The following ABCB1 variants were observed in gnomAD, a reference collection of about 807,000 sequenced individuals.
ABCB1 encodes ATP-dependent translocase ABCB1.
A neutral mutation model predicts 142.0 loss-of-function variants in ABCB1; 69 were observed. That is an observed-to-expected ratio of 0.49 (90% CI 0.40 to 0.59). The LOEUF (loss-of-function observed/expected upper bound fraction) is 0.59. ABCB1 is among the 20% of genes least tolerant of loss of function. ABCB1 has a pLI of 0.00. For synonymous variants in ABCB1, 532 were observed against 539.2 expected, an observed-to-expected ratio of 0.99 and a Z score of 0.18; for missense variants, 1,326 against 1,554.7, an observed-to-expected ratio of 0.85 and a Z score of 2.47.
chr7:87,574,123 A>G (rs1818178695), intron 4 of ABCB1, among the ~76,000 whole-genome samples: 1 of 152,196 alleles, frequency 6.6e-6, no homozygotes, highest in Non-Finnish European at 1.5e-5. Flanking sequence ...CAGACCCTAG[A>G]GCAAGACCTC....
At chr7:87,683,242 C>T (rs931058222) in intron 1 of ABCB1, among the ~76,000 whole-genome samples, 2 of 152,152 alleles carry the variant, frequency 1.3e-5, no homozygotes, top group Non-Finnish European at 2.9e-5. Flanking sequence ...GTCTTCTATT[C>T]AGACCACTCA....
At chr7:87,644,485 TACGTTCTATTAAAAACATC>T (rs1822783475) in intron 1 of ABCB1, among the ~76,000 whole-genome samples, 1 of 152,218 alleles carries the variant, frequency 6.6e-6, no homozygotes, top group South Asian at 2.1e-4. Flanking sequence ...TTTGGATACT[TACGTTCTATTAAAAACATC>T]ACTCTTATTA....
At position 87,607,949 on chromosome 7, in the gene ABCB1, T is replaced by C. The variant is rs572024950; in HGVS notation, c.-330-6871A>G. On this transcript the variant is annotated intron_variant, in intron 1 of 28. Transcript: ENST00000265724. ...TGTTTTTACAAACAGACTGAACTTA[T>C]ATATCTAAAGTGACCAACTTCCTTT... Among the ~76,000 whole-genome samples, 17 of 152,348 alleles carry C rather than the reference T, an allele frequency of 1.1e-4. 1 individual carries two copies. Among genetic ancestry groups the C allele is most frequent in the Non-Finnish European group, 1.8e-4 (12 of 68,040 alleles).
At chr7:87,575,661 A>G (rs1226411833) in intron 4 of ABCB1, among the ~76,000 whole-genome samples, 3 of 152,186 alleles carry the variant, frequency 2.0e-5, no homozygotes, top group Non-Finnish European at 4.4e-5. Flanking sequence ...ATAAATCCCT[A>G]TGGCATTGGC....
intron 1 of ABCB1, among the ~76,000 whole-genome samples, chr7:87,707,784 A>G (rs1829740340): frequency 6.6e-6 from 1 of 152,174 alleles, no homozygotes. Context: ...TCTGAGCCAT[A>G]GTTTATCTCA....
chr7:87,626,755 ATATAT>A (rs1820671195), intron 1 of ABCB1, among the ~76,000 whole-genome samples: 1 of 48,900 alleles, frequency 2.0e-5, no homozygotes, highest in African/African-American at 4.5e-5. Flanking sequence ...TATATGTCAT[ATATAT>A]GTCATATATA....
chr7:87,667,781 T>A (rs78915228), intron 1 of ABCB1, among the ~76,000 whole-genome samples: 1 of 152,150 alleles, frequency 6.6e-6, no homozygotes, highest in African/African-American at 2.4e-5. Context: ...ATGTGATGAA[T>A]CATGTTTATT....
chr7:87,553,938 A>C lies in ABCB1; in HGVS notation c.828-6T>G. 3 of 1,604,538 alleles carry C rather than the reference A, an allele frequency of 1.9e-6. No individual in the cohort carries two copies. Among genetic ancestry groups the C allele is most frequent in the Non-Finnish European group, 2.6e-6 (3 of 1,171,374 alleles). On this transcript the variant is annotated splice_polypyrimidine_tract_variant and splice_region_variant and intron_variant, in intron 8 of 27. Transcript: ENST00000622132. ...CTTCTAAATTTTTGTTGTACCTGAG[A>C]AAAAGAACAAAAATGATCACATATA...
At chr7:87,627,806 C>T (rs1337251133) in intron 1 of ABCB1, 2 of 152,358 alleles carry the variant, frequency 1.3e-5, no homozygotes, top group Non-Finnish European at 2.9e-5. Flanking sequence ...GCACCACGCT[C>T]CTCCTTAGGC....
chr7:87,684,063 T>C (rs1253213047), intron 1 of ABCB1, among the ~76,000 whole-genome samples: 1 of 152,190 alleles, frequency 6.6e-6, no homozygotes, highest in Non-Finnish European at 1.5e-5. Flanking sequence ...AATAGGTGCA[T>C]AGAAAAGCAT....
chr7:87,539,213 G>C lies in ABCB1; in HGVS notation c.2397+55C>G, dbSNP rs771700682. The C allele has an allele frequency of 6.7e-4, 1,049 of 1,555,974 alleles. 2 individuals carry two copies. The highest frequency in any genetic ancestry group is 8.9e-4 in the Non-Finnish European group (1,007 of 1,129,960). ...CAGAGCTCCCACTGTCTGAGTCCAA[G>C]GGGCACACATGGGGAGTTCTACACA... On this transcript the variant is annotated intron_variant, in intron 19 of 27. Transcript: ENST00000622132.
At chr7:87,662,029 C>T (rs1824761780) in intron 1 of ABCB1, among the ~76,000 whole-genome samples, 1 of 151,998 alleles carries the variant, frequency 6.6e-6, no homozygotes, top group African/African-American at 2.4e-5. Context: ...TTTCATATAC[C>T]TGTTTGCCAT....
intron 3 of ABCB1, among the ~76,000 whole-genome samples, chr7:87,586,854 C>T (rs1354847473): frequency 6.6e-6 from 1 of 151,488 alleles, no homozygotes; most frequent in East Asian, 1.9e-4. Flanking sequence ...AAAAGTAAAG[C>T]CAAATTATGA....
chr7:87,570,331 T>C, intron 4 of ABCB1, 108 bp from the exon 5 acceptor site: 1 of 1,091,902 alleles, frequency 9.2e-7, no homozygotes, highest in African/African-American at 1.6e-5. Context: ...TACATAAAAA[T>C]AGGTCGAACT....
upstream of ABCB1, among the ~76,000 whole-genome samples, chr7:87,602,143 G>A (rs1407098955): frequency 1.3e-5 from 2 of 151,910 alleles, no homozygotes; most frequent in African/African-American, 2.4e-5. Context: ...ACAGGCTCCC[G>A]CCACCACGCC....
rs2235074 is a variant in ABCB1 at position 87,595,730 on chromosome 7, G to A, written c.117+36C>T. 0.045 allele frequency: 67,538 copies of A among 1,516,832 alleles called. 1,890 individuals carry two copies. The highest frequency in any genetic ancestry group is 0.13 in the African/African-American group (9,243 of 72,988). The allele number at this position is 1,516,832 out of a possible 1,614,324, so 94.0% of individuals were successfully genotyped here. A position where few individuals can be genotyped will look rare whatever the true frequency, so the allele number is the denominator to read the frequency against. On this transcript the variant is annotated intron_variant, in intron 3 of 27. Coordinates refer to ENST00000622132, the MANE Select transcript of ABCB1 (RefSeq NM_001348946.2). Reference sequence around the variant, plus strand: ...CCATGTAAGGAGATGTCAAATTTCCGAAGTATTTTGAATAGTTAATAAATT... The same window carrying A: ...CCATGTAAGGAGATGTCAAATTTCCAAAGTATTTTGAATAGTTAATAAATT...
At position 87,531,276 on chromosome 7, in the gene ABCB1, ATATT is replaced by A. The variant is rs769389810; in HGVS notation, c.2685+14_2685+17del. On this transcript the variant is annotated intron_variant, in intron 21 of 27. Transcript: ENST00000622132. Reference sequence around the variant, plus strand: ...CTTTACTCTACTTAATTAATCAATCATATTTAGTTTGACTCACCTTCCCAGAACC... The same window carrying A: ...CTTTACTCTACTTAATTAATCAATCATAGTTTGACTCACCTTCCCAGAACC... The A allele has an allele frequency of 2.0e-4, 313 of 1,588,734 alleles. No individual in the cohort carries two copies. The African/African-American group carries it at 3.9e-3, about 20-fold the overall frequency.
At chr7:87,537,005 A>C (rs1481675182) in intron 19 of ABCB1, 1 of 201,172 alleles carries the variant, frequency 5.0e-6, no homozygotes, top group African/African-American at 2.4e-5. Flanking sequence ...AAGCAGAAAC[A>C]GCATGTGCAA....
At chr7:87,545,074 G>C (rs28381920) in intron 15 of ABCB1, 75 bp from the exon 16 acceptor site, 4 of 1,393,804 alleles carry the variant, frequency 2.9e-6, no homozygotes, top group Middle Eastern at 3.7e-4. Context: ...CTGAATGTCA[G>C]CTATCAAGGA....
Sources: allele counts gnomAD v4.1 joint callset (sites outside exome capture counted in the v4.1 genomes callset), GRCh38; gene constraint gnomAD v4.1.1; transcripts MANE v1.5; gene names NCBI Gene and HGNC (gene_info 2026-07-23, HGNC 2026-07-21).